Variants in CSF1R observed in about 807,000 individuals in gnomAD.
CSF1R encodes the protein colony stimulating factor 1 receptor, also known as macrophage colony-stimulating factor 1 receptor.
CSF1R carries 40 observed loss-of-function variants against 110.0 expected under a neutral mutation model. The ratio of observed to expected loss-of-function variants is 0.36; its 90% confidence interval spans 0.28 to 0.47. The LOEUF (loss-of-function observed/expected upper bound fraction) is 0.47, where lower values mean the gene tolerates loss of function less well. CSF1R is among the 20% of genes least tolerant of loss of function. The pLI, the probability that CSF1R is intolerant of heterozygous loss-of-function variation, is 0.99. For missense variants in CSF1R, 1,052 were observed against 1,253.0 expected (o/e 0.84, Z 2.42); for synonymous variants, 523 against 503.4 (o/e 1.04, Z -0.52).
intron 5 of CSF1R, among the ~76,000 whole-genome samples, chr5:150,075,589 G>A (rs867441186): frequency 1.3e-5 from 2 of 152,202 alleles, no homozygotes; most frequent in Non-Finnish European, 2.9e-5. Context: ...ATCTGAAGCT[G>A]CAAATGCTAT....
intron 1 of CSF1R, among the ~76,000 whole-genome samples, chr5:150,108,960 C>T (rs541508854): frequency 4.6e-5 from 7 of 152,254 alleles, no homozygotes; most frequent in African/African-American, 1.2e-4. Flanking sequence ...AATGGTCCCT[C>T]GCCAGACCCC....
In CSF1R at chr5:150,057,578, G is replaced by A. The variant is rs769685450; in HGVS notation, c.2147C>T (p.Ser716Phe). 1.2e-6 allele frequency: 2 copies of A among 1,614,046 alleles called. No homozygotes were observed. The highest frequency in any genetic ancestry group is 1.7e-5 in the Admixed American group (1 of 60,030). Residue 716 changes from serine to phenylalanine, a missense_variant, in exon 15 of 21, where the codon TCC (serine) becomes TTC (phenylalanine). By Grantham distance (155) the Ser-to-Phe change is radical. Transcript: ENST00000675795. ...CACATAGGTGTCCACACCCTGGCTG[G>A]AGAAGCCACTGTCCCTACATAGGAG... ...KKYVRRDSGF[S>F]SQGVDTYVEM...
chr5:150,077,248 G>T lies in CSF1R; in HGVS notation c.889+28C>A, dbSNP rs3829987. ...CTCACACTCCTGCAGGATCCCTACCGACTGTCCACCACCACCCTGATGCTT... is the reference window on the plus strand; with the variant it reads ...CTCACACTCCTGCAGGATCCCTACCTACTGTCCACCACCACCCTGATGCTT... On this transcript the variant is annotated intron_variant, in intron 5 of 20. Transcript: ENST00000675795. 1 of 1,613,818 alleles carries T rather than the reference G, an allele frequency of 6.2e-7. No individual in the cohort carries two copies. The highest frequency in any genetic ancestry group is 1.7e-4 in the Middle Eastern group (1 of 6,060).
chr5:150,055,257 A>G lies in CSF1R; in HGVS notation c.2634T>C (p.Pro878=), dbSNP rs1203922627. ...CTTACATATTCTTTGGGGCAAATGC[A>G]GGCTGGGCCATTTGGTATCCATCCT... ...LVKDGYQMAQ[P]AFAPKNIYSI... Residue 878 remains proline, a synonymous_variant, in exon 19 of 21, where the codon CCT becomes CCC. Coordinates refer to ENST00000675795, the MANE Select transcript of CSF1R (RefSeq NM_001288705.3). 1.2e-6 allele frequency: 2 copies of G among 1,614,030 alleles called. No individual in the cohort carries two copies. The highest frequency in any genetic ancestry group is 1.7e-6 in the Non-Finnish European group (2 of 1,179,988).
At chr5:150,071,107 A>G (rs1345163270) in intron 6 of CSF1R, among the ~76,000 whole-genome samples, 2 of 152,106 alleles carry the variant, frequency 1.3e-5, no homozygotes, top group Non-Finnish European at 2.9e-5. Context: ...AGTGATATCG[A>G]TGGTTATTAA....
Position 150,073,401 on chromosome 5 carries a change from A to G in CSF1R, c.982T>C (p.Tyr328His). ...GLNLKVMVEA[Y>H]PGLQGFNWTY... ...CAGTTAAAACCTTGCAGGCCTGGGT[A>G]GGCCTCCACCATGACTTTGAGGTTG... The change falls in exon 6 of 21, where the codon TAC (tyrosine) becomes CAC (histidine). Residue 328 changes from tyrosine (Y) to histidine (H), a missense_variant. Tyr to His is a moderately conservative substitution (Grantham distance 83). Transcript: ENST00000675795. 1.2e-6 allele frequency: 2 copies of G among 1,614,092 alleles called. No individual in the cohort carries two copies. The highest frequency in any genetic ancestry group is 1.7e-6 in the Non-Finnish European group (2 of 1,180,004).
intron 1 of CSF1R, among the ~76,000 whole-genome samples, chr5:150,092,532 C>T (rs936606645): frequency 6.6e-6 from 1 of 152,170 alleles, no homozygotes; most frequent in African/African-American, 2.4e-5. Flanking sequence ...GTTTAATTGA[C>T]TCACAGTTCA....
intron 6 of CSF1R, among the ~76,000 whole-genome samples, chr5:150,072,123 AGAGT>A (rs1301472233): frequency 6.6e-6 from 1 of 152,232 alleles, no homozygotes; most frequent in Non-Finnish European, 1.5e-5. Context: ...AACAAGAATG[AGAGT>A]GAGTGTGGCA....
intron 14 of CSF1R, among the ~76,000 whole-genome samples, chr5:150,059,031 C>T (rs975527460): frequency 6.6e-6 from 1 of 151,968 alleles, no homozygotes; most frequent in African/African-American, 2.4e-5. Context: ...ATCACAGCAA[C>T]AGGACAACAG....
At chr5:150,086,186 G>C (rs1357711733) in intron 1 of CSF1R, among the ~76,000 whole-genome samples, 193 bp downstream of exon 1, 1 of 152,088 alleles carries the variant, frequency 6.6e-6, no homozygotes, top group Non-Finnish European at 1.5e-5. Flanking sequence ...GCACCAGGTG[G>C]ACCAGTTCCA....
chr5:150,061,850 C>T lies in CSF1R; in HGVS notation c.1627-1G>A. 1 of 1,614,148 alleles carries T rather than the reference C, an allele frequency of 6.2e-7. No homozygotes were observed. Among genetic ancestry groups the T allele is most frequent in the Non-Finnish European group, 8.5e-7 (1 of 1,180,006 alleles). ...TCCAGCGGACCTGGTACTTGGGCTT[C>T]TGCAGAAGAGGAAGGGAGCACGTGG... On this transcript the variant is annotated splice_acceptor_variant, in intron 10 of 20. Coordinates refer to ENST00000675795, the MANE Select transcript of CSF1R (RefSeq NM_001288705.3). LOFTEE classifies it high-confidence loss of function.
chr5:150,075,928 TA>T (rs772431347), intron 5 of CSF1R, among the ~76,000 whole-genome samples: 1 of 152,228 alleles, frequency 6.6e-6, no homozygotes, highest in Non-Finnish European at 1.5e-5. Context: ...GCCTTGCACA[TA>T]CTCTAGGGGC....
intron 14 of CSF1R, among the ~76,000 whole-genome samples, chr5:150,058,957 C>T (rs1328468425): frequency 6.6e-6 from 1 of 152,162 alleles, no homozygotes; most frequent in South Asian, 2.1e-4. Context: ...CTCCCCACTT[C>T]CTCTCTTTGG....
upstream of CSF1R, among the ~76,000 whole-genome samples, chr5:150,091,140 T>C (rs974922674): frequency 6.6e-6 from 1 of 152,010 alleles, no homozygotes; most frequent in Non-Finnish European, 1.5e-5. Context: ...GGATAACAAG[T>C]GTTGGTGAGG....
At chr5:150,079,909 G>T in intron 3 of CSF1R, 143 bp downstream of exon 3, 1 of 1,029,226 alleles carries the variant, frequency 9.7e-7, no homozygotes, top group Non-Finnish European at 1.4e-6. Context: ...AGATGATCGT[G>T]GAACCATTGA....
chr5:150,069,823 G>A (rs1165622133), intron 9 of CSF1R, 50 bp downstream of exon 9: 1 of 1,250,488 alleles, frequency 8.0e-7, no homozygotes. Flanking sequence ...AAAGGAGCAG[G>A]GGCGGGGGGC....
intron 14 of CSF1R, 103 bp from the exon 15 acceptor site, chr5:150,057,695 C>A (rs1263620225): frequency 2.5e-6 from 2 of 793,132 alleles, no homozygotes; most frequent in Non-Finnish European, 4.3e-6. Flanking sequence ...TGGAACCTCC[C>A]TTTCTGATAA....
chr5:150,085,568 T>C (rs984963839), intron 1 of CSF1R, among the ~76,000 whole-genome samples: 1 of 152,140 alleles, frequency 6.6e-6, no homozygotes, highest in Non-Finnish European at 1.5e-5. Flanking sequence ...TCTGCAGAAC[T>C]GCTACAGCCT....
intron 5 of CSF1R, among the ~76,000 whole-genome samples, chr5:150,076,174 C>T (rs1758250241): frequency 6.6e-6 from 1 of 152,256 alleles, no homozygotes; most frequent in East Asian, 1.9e-4. Context: ...TCAGACTCTT[C>T]CACACACCAC....
Sources: gnomAD v4.1 joint callset for allele counts (sites outside exome capture counted in the v4.1 genomes callset) on GRCh38, gnomAD v4.1.1 for gene constraint, MANE v1.5 for transcripts, NCBI Gene and HGNC (gene_info 2026-07-23, HGNC 2026-07-21) for gene names.